The following ZNF217 variants were observed in gnomAD, a reference collection of about 807,000 sequenced individuals.
ZNF217 encodes zinc finger protein 217.
A neutral mutation model predicts 73.3 loss-of-function variants in ZNF217; 12 were observed. The ratio of observed to expected loss-of-function variants is 0.16; its 90% CI spans 0.10 to 0.27. ZNF217 has a LOEUF of 0.27. Among genes scored for constraint, ZNF217 ranks in the 10% least tolerant of loss-of-function variants. The pLI, the probability that ZNF217 is intolerant of heterozygous loss-of-function variation, is 1.00. For synonymous variants in ZNF217, 588 were observed against 516.4 expected (o/e 1.14, Z -1.88); for missense variants, 1,195 against 1,327.8 (o/e 0.90, Z 1.55).
At chr20:53,587,936 C>G (rs1988753402) in intron 1 of ZNF217, among the ~76,000 whole-genome samples, 1 of 151,644 alleles carries the variant, frequency 6.6e-6, no homozygotes, top group Admixed American at 6.6e-5. Context: ...AAGGAAATTA[C>G]TAGGGGTCAC....
chr20:53,594,214 G>A (rs1176670025), upstream of ZNF217, among the ~76,000 whole-genome samples: 2 of 151,888 alleles, frequency 1.3e-5, no homozygotes, highest in African/African-American at 2.4e-5. Flanking sequence ...GGGGTCCCTA[G>A]AGCCGCCGGG....
intron 1 of ZNF217, among the ~76,000 whole-genome samples, chr20:53,589,815 C>T (rs1988818523): frequency 6.6e-6 from 1 of 152,142 alleles, no homozygotes; most frequent in African/African-American, 2.4e-5. Context: ...ATCAGGCTTC[C>T]TTCACCCGAA....
chr20:53,594,630 C>T (rs1989007312), upstream of ZNF217, among the ~76,000 whole-genome samples: 1 of 151,856 alleles, frequency 6.6e-6, no homozygotes, highest in African/African-American at 2.4e-5. Context: ...TGACAGGTAC[C>T]CGGGGAGGCC....
chr20:53,575,675 G>T, intron 4 of ZNF217, 52 bp downstream of exon 4: 1 of 1,478,424 alleles, frequency 6.8e-7, no homozygotes. Flanking sequence ...GCCTGGATTA[G>T]CTATTAATCA....
At chr20:53,589,362 C>T (rs55899971) in intron 1 of ZNF217, among the ~76,000 whole-genome samples, 5,527 of 152,344 alleles carry the variant, frequency 0.036, 125 homozygotes, top group Non-Finnish European at 0.054. Flanking sequence ...AATTACCAAA[C>T]TGTCCCCAAA....
rs1352049312 is a variant in ZNF217 at position 53,577,136 on chromosome 20, T to G, written c.1628A>C (p.Glu543Ala). ...ACTGTCAGCGGTTAATAGTGCATCT[T>G]CAGTGTCCTGATTTTTACCATCGTT... ...VKNDGKNQDT[E>A]DALLTADSAQ... Residue 543 changes from glutamate to alanine, a missense_variant, in exon 4 of 6, where the codon GAA becomes GCA. Coordinates refer to ENST00000371471, the MANE Select transcript of ZNF217 (RefSeq NM_006526.3). The G allele has an allele frequency of 6.2e-7, 1 of 1,614,092 alleles. No individual in the cohort carries two copies. Among genetic ancestry groups the G allele is most frequent in the Non-Finnish European group, 8.5e-7 (1 of 1,180,054 alleles).
intron 4 of ZNF217, chr20:53,574,627 T>A (rs1320278625): frequency 6.6e-6 from 1 of 151,698 alleles, no homozygotes; most frequent in African/African-American, 2.4e-5. Context: ...AAACCCTGTC[T>A]CTACTAAAAA....
In ZNF217 at chr20:53,567,077, AACACCAAATCTATATTTAC is replaced by A. The variant is rs752428883; in HGVS notation, c.*2192_*2210del. On this transcript the variant is annotated 3_prime_UTR_variant, in exon 6 of 6. Transcript: ENST00000371471. ...TAAACACTAAAACTCAAGATTGCAAAACACCAAATCTATATTTACACTTCCACATATAATAACATAACTT... is the reference window on the plus strand; with the variant it reads ...TAAACACTAAAACTCAAGATTGCAAAACTTCCACATATAATAACATAACTT... 340 of 151,452 alleles carry A rather than the reference AACACCAAATCTATATTTAC, an allele frequency of 2.2e-3. 1 individual carries two copies. Among genetic ancestry groups the A allele is most frequent in the Non-Finnish European group, 3.8e-3 (253 of 67,196 alleles). The allele number at this position is 151,452 out of a possible 1,614,324, so 9.4% of individuals were successfully genotyped here. A position where few individuals can be genotyped will look rare whatever the true frequency, so the allele number is the denominator to read the frequency against.
upstream of ZNF217, among the ~76,000 whole-genome samples, chr20:53,594,464 G>A (rs1040310975): frequency 6.0e-5 from 9 of 150,642 alleles, no homozygotes; most frequent in African/African-American, 1.9e-4. Context: ...CTCCGCCTCC[G>A]GGACGGGAGC....
Position 53,569,237 on chromosome 20 carries a change from G to C in ZNF217, c.*51C>G, listed in dbSNP as rs1987880869. The stretch of plus-strand genomic sequence containing the variant: ...GGATGAAGTAAAATTTAATTTCATG[G>C]GGAGTAAGCACTGACATCCACCAAG... On this transcript the variant is annotated 3_prime_UTR_variant, in exon 6 of 6. Coordinates refer to ENST00000371471, the MANE Select transcript of ZNF217 (RefSeq NM_006526.3). 7.4e-7 allele frequency: 1 copy of C among 1,348,864 alleles called. No individual in the cohort carries two copies. Among genetic ancestry groups the C allele is most frequent in the Non-Finnish European group, 9.9e-7 (1 of 1,013,700 alleles). The allele number at this position is 1,348,864 out of a possible 1,614,324, so 83.6% of individuals were successfully genotyped here. A position where few individuals can be genotyped will look rare whatever the true frequency, so the allele number is the denominator to read the frequency against.
chr20:53,587,250 G>A (rs550187205), intron 1 of ZNF217, among the ~76,000 whole-genome samples: 1 of 152,248 alleles, frequency 6.6e-6, no homozygotes, highest in East Asian at 1.9e-4. Flanking sequence ...TGTTCTTTAG[G>A]TCACTAATTA....
chr20:53,577,427 ATC>A, intron 3 of ZNF217, 147 bp from the exon 4 acceptor site: 1 of 728,426 alleles, frequency 1.4e-6, no homozygotes, highest in East Asian at 2.7e-5. Context: ...GTTCTTTATC[ATC>A]CTTACTGTAA....
At chr20:53,572,640 CCAA>C (rs1988063845) in intron 4 of ZNF217, 1 of 152,124 alleles carries the variant, frequency 6.6e-6, no homozygotes, top group South Asian at 2.1e-4. Flanking sequence ...CTCTACTGAA[CCAA>C]TCAGCATCAA....
intron 4 of ZNF217, 46 bp downstream of exon 4, chr20:53,575,681 A>C: frequency 6.7e-7 from 1 of 1,493,758 alleles, no homozygotes; most frequent in Non-Finnish European, 8.9e-7. Flanking sequence ...ATTAGCTATT[A>C]ATCACTGTAG....
rs889130241 is a variant in ZNF217 at position 53,577,108 on chromosome 20, C to T, written c.1656G>A (p.Ala552=). The change falls in exon 4 of 6, where the codon GCG becomes GCA. Residue 552 remains alanine (A), a synonymous_variant. Coordinates refer to ENST00000371471, the MANE Select transcript of ZNF217 (RefSeq NM_006526.3). ...TEDALLTADS[A]QTKNLKRFFD... ...AAAATCTTTTCAAATTTTTGGTTTG[C>T]GCACTGTCAGCGGTTAATAGTGCAT... 21 of 1,614,054 alleles carry T rather than the reference C, an allele frequency of 1.3e-5. No homozygotes were observed. Among genetic ancestry groups the T allele is most frequent in the Admixed American group, 1.7e-5 (1 of 59,994 alleles).
intron 3 of ZNF217, 144 bp from the exon 4 acceptor site, chr20:53,577,424 A>G (rs1988324790): frequency 5.3e-6 from 4 of 747,720 alleles, no homozygotes; most frequent in Middle Eastern, 7.1e-4. Context: ...TCAGTTCTTT[A>G]TCATCCTTAC....
At chr20:53,597,083 CAAAAAAAAAAAAAGAAAA>C (rs1877876831), upstream of ZNF217, among the ~76,000 whole-genome samples, 1 of 120,794 alleles carries the variant, frequency 8.3e-6, no homozygotes, top group Non-Finnish European at 1.7e-5. Flanking sequence ...AGTAACATAA[CAAAAAAAAAAAAAGAAAA>C]AAAAAAAAAA....
chr20:53,595,137 G>GA (rs574232662), upstream of ZNF217, among the ~76,000 whole-genome samples: 1 of 148,254 alleles, frequency 6.7e-6, no homozygotes. Flanking sequence ...TTTCCTTACT[G>GA]AAAAAAAGGA....
intron 1 of ZNF217, among the ~76,000 whole-genome samples, chr20:53,584,855 C>T (rs1339312841): frequency 6.6e-6 from 1 of 152,102 alleles, no homozygotes; most frequent in East Asian, 1.9e-4. Context: ...ATGCTAGCGT[C>T]CCAGGCAAGG....
Sources: gnomAD v4.1 joint callset for allele counts (sites outside exome capture counted in the v4.1 genomes callset) on GRCh38, gnomAD v4.1.1 for gene constraint, MANE v1.5 for transcripts, NCBI Gene and HGNC (gene_info 2026-07-23, HGNC 2026-07-21) for gene names.